The following FCN3 variants were observed in gnomAD, a reference collection of about 807,000 sequenced individuals.
FCN3 encodes the protein ficolin-3.
In FCN3, 28 loss-of-function variants were observed where a neutral mutation model predicts 31.5. That is an observed-to-expected ratio of 0.89 (90% CI 0.66 to 1.22). The LOEUF is 1.22. Ranked by LOEUF, FCN3 falls within the 50% of genes most tolerant of loss-of-function variation. The pLI is 0.00. For synonymous variants in FCN3, 124 were observed against 147.4 expected (o/e 0.84, Z 1.15); for missense variants, 351 against 386.8 (o/e 0.91, Z 0.78).
chr1:27,374,283 G>T, intron 2 of FCN3, 73 bp downstream of exon 2: 1 of 1,138,550 alleles, frequency 8.8e-7, no homozygotes, highest in Non-Finnish European at 1.3e-6. Context: ...TGGCCCCTCA[G>T]CACAGACAAA....
chr1:27,372,437 G>A (rs1487385898), intron 5 of FCN3, among the ~76,000 whole-genome samples: 1 of 152,024 alleles, frequency 6.6e-6, no homozygotes, highest in Non-Finnish European at 1.5e-5. Flanking sequence ...TAGTAAAGAT[G>A]GGGTTTCACC....
At chr1:27,371,720 A>G (rs556473648) in intron 5 of FCN3, among the ~76,000 whole-genome samples, 1 of 152,236 alleles carries the variant, frequency 6.6e-6, no homozygotes, top group East Asian at 1.9e-4. Flanking sequence ...AGAGTTGTCA[A>G]CCTAAGTACT....
chr1:27,369,341 A>T lies in FCN3; in HGVS notation c.795T>A (p.Gly265=). Residue 265 remains glycine (G), a synonymous_variant, in exon 8 of 8, where the codon GGT becomes GGA. Transcript: ENST00000270879. ...CGGCAGCCTCAGACACTGCATAGCG[A>T]CCATTGAGATTTGATCGGTAACAGG... ...YASCYRSNLN[G]RYAVSEAAAH... The T allele has an allele frequency of 1.2e-6, 2 of 1,614,252 alleles. No individual in the cohort carries two copies. The highest frequency in any genetic ancestry group is 1.7e-6 in the Non-Finnish European group (2 of 1,180,034).
At chr1:27,370,287 G>A (rs2016119119) in intron 7 of FCN3, among the ~76,000 whole-genome samples, 1 of 152,014 alleles carries the variant, frequency 6.6e-6, no homozygotes, top group Non-Finnish European at 1.5e-5. Context: ...AGGGTTACAG[G>A]CATGAGCCAC....
rs768658968 is a variant in FCN3 at position 27,374,741 on chromosome 1, G to GTGTT, written c.74_77dup (p.His26GlnfsTer52). The GTGTT allele has an allele frequency of 6.6e-5, 92 of 1,399,334 alleles. No individual in the cohort carries two copies. The African/African-American group carries it at 1.3e-3, about 19-fold the overall frequency. The allele number at this position is 1,399,334 out of a possible 1,614,324, so 86.7% of individuals were successfully genotyped here. Reference sequence around the variant, plus strand: ...CTAGGTGCCCACCTGGGCAGCTGGGGTGTTCCTGGGTCTTCAGGCAGGCAG... The same window carrying GTGTT: ...CTAGGTGCCCACCTGGGCAGCTGGGGTGTTTGTTCCTGGGTCTTCAGGCAGGCAG... On this transcript the variant is annotated frameshift_variant, in exon 1 of 8. Coordinates refer to ENST00000270879, the MANE Select transcript of FCN3 (RefSeq NM_003665.4). LOFTEE classifies it high-confidence loss of function.
In FCN3 at chr1:27,374,740, G is replaced by A; in HGVS notation, c.79C>T (p.Pro27Ser). 7.2e-7 allele frequency: 1 copy of A among 1,397,500 alleles called. No individual in the cohort carries two copies. The highest frequency in any genetic ancestry group is 2.0e-5 in the South Asian group (1 of 51,274). 86.6% of individuals were successfully genotyped at this position (1,397,500 alleles called of 1,614,324 possible). A position where few individuals can be genotyped will look rare whatever the true frequency, so the allele number is the denominator to read the frequency against. Residue 27 changes from proline (P) to serine (S), a missense_variant, in exon 1 of 8, where the codon CCC (proline) becomes TCC (serine). By Grantham distance (74) the Pro-to-Ser change is moderately conservative. Transcript: ENST00000270879. ...CCTAGGTGCCCACCTGGGCAGCTGG[G>A]GTGTTCCTGGGTCTTCAGGCAGGCA... is the stretch of plus-strand genomic sequence containing the variant. ...GPACLKTQEH[P>S]SCPGPRELEA...
intron 2 of FCN3, 112 bp downstream of exon 2, chr1:27,374,244 C>T: frequency 1.2e-6 from 1 of 802,056 alleles, no homozygotes; most frequent in South Asian, 1.7e-5. Flanking sequence ...CTGGAGCTGG[C>T]ACAGAGTAGG....
In FCN3 at chr1:27,369,386, G is replaced by A. The variant is rs28385652; in HGVS notation, c.750C>T (p.His250=). ...AACAGGATGCATACCACCAGGCACC[G>A]TGGACAATCACTGCACAGTTGCTGT... The part of the protein sequence containing the change: ...SSNSNCAVIV[H]GAWWYASCYR... The change falls in exon 8 of 8, where the codon CAC becomes CAT. Residue 250 remains histidine, a synonymous_variant. Coordinates refer to ENST00000270879, the MANE Select transcript of FCN3 (RefSeq NM_003665.4). The A allele has an allele frequency of 3.8e-3, 6,074 of 1,614,204 alleles. 23 individuals carry two copies. The highest frequency in any genetic ancestry group is 9.9e-3 in the Middle Eastern group (60 of 6,062).
Position 27,373,487 on chromosome 1 carries a change from C to T in FCN3, c.265+1G>A. On this transcript the variant is annotated splice_donor_variant, in intron 4 of 7. Coordinates refer to ENST00000270879, the MANE Select transcript of FCN3 (RefSeq NM_003665.4). LOFTEE classifies it high-confidence loss of function. ...CCTGGCTCCTGCAAGGGCTGCCTCA[C>T]CTTCCTGGCACCGGAGCAGGTTCAC... 3 of 1,614,116 alleles carry T rather than the reference C, an allele frequency of 1.9e-6. No homozygotes were observed. Among genetic ancestry groups the T allele is most frequent in the African/African-American group, 1.3e-5 (1 of 75,036 alleles).
At chr1:27,370,007 G>A (rs147806365) in intron 7 of FCN3, among the ~76,000 whole-genome samples, 5 of 129,808 alleles carry the variant, frequency 3.9e-5, no homozygotes, top group Admixed American at 7.5e-5. Context: ...CGCTCCCCCC[G>A]CCTTTTTTTT....
rs976213724 is a variant in FCN3, at chr1:27,370,985, G to A, written c.394-13C>T. ...GCCTCTGAAACACCTGGGGGAGGGGGGGCACAGCAGCTATTACTCCAGGCT... is the reference window on the plus strand; with the variant it reads ...GCCTCTGAAACACCTGGGGGAGGGGAGGCACAGCAGCTATTACTCCAGGCT... On this transcript the variant is annotated splice_polypyrimidine_tract_variant and intron_variant, in intron 5 of 7. Coordinates refer to ENST00000270879, the MANE Select transcript of FCN3 (RefSeq NM_003665.4). 12 of 1,610,536 alleles carry A rather than the reference G, an allele frequency of 7.5e-6. No individual in the cohort carries two copies. Among genetic ancestry groups the A allele is most frequent in the Admixed American group, 3.3e-5 (2 of 59,916 alleles).
intron 4 of FCN3, 94 bp from the exon 5 acceptor site, chr1:27,373,357 C>G: frequency 3.1e-6 from 5 of 1,599,150 alleles, no homozygotes; most frequent in Non-Finnish European, 3.4e-6. Flanking sequence ...TAGGGACCCT[C>G]TTGGCTCCTT....
At chr1:27,374,115 C>A in intron 2 of FCN3, 106 bp from the exon 3 acceptor site, 1 of 1,064,754 alleles carries the variant, frequency 9.4e-7, no homozygotes. Flanking sequence ...TCACCCTTCA[C>A]TCACTTTGTG....
intron 5 of FCN3, among the ~76,000 whole-genome samples, chr1:27,371,258 A>G (rs997243677): frequency 6.6e-6 from 1 of 152,032 alleles, no homozygotes; most frequent in African/African-American, 2.4e-5. Context: ...GCTGGGTGTC[A>G]GTCAAAATAA....
intron 7 of FCN3, 174 bp downstream of exon 7, chr1:27,370,422 T>C: frequency 1.6e-6 from 1 of 634,200 alleles, no homozygotes. Flanking sequence ...TCTGTTTGCC[T>C]CCAGATCCCA....
At chr1:27,372,773 A>ATTTTTTTTTT (rs71010351) in intron 5 of FCN3, among the ~76,000 whole-genome samples, 3 of 96,436 alleles carry the variant, frequency 3.1e-5, no homozygotes, top group Non-Finnish European at 5.9e-5. Context: ...TCCCTACCCT[A>ATTTTTTTTTT]TTTTTTTTTT....
intron 1 of FCN3, 62 bp downstream of exon 1, chr1:27,374,666 G>T (rs962181216): frequency 3.1e-5 from 32 of 1,028,966 alleles, no homozygotes; most frequent in Non-Finnish European, 4.1e-5. Flanking sequence ...GAGCCTTGGT[G>T]GGGGGACACC....
In FCN3 at chr1:27,369,435, T is replaced by C. The variant is rs989156066; in HGVS notation, c.701A>G (p.Tyr234Cys). ...GTTGCTTGAATCGTGGTCAGCGTCATAGGTGGTAAAGGGCCTCCCACTGTG... is the reference window on the plus strand; with the variant it reads ...GTTGCTTGAATCGTGGTCAGCGTCACAGGTGGTAAAGGGCCTCCCACTGTG... Reference protein sequence around the residue: ...SLHSGRPFTTYDADHDSSNSN... With the variant: ...SLHSGRPFTTCDADHDSSNSN... The change falls in exon 8 of 8, where the codon TAT becomes TGT. Residue 234 changes from tyrosine to cysteine, a missense_variant. Coordinates refer to ENST00000270879, the MANE Select transcript of FCN3 (RefSeq NM_003665.4). 6.2e-7 allele frequency: 1 copy of C among 1,614,176 alleles called. No homozygotes were observed.
chr1:27,373,167 C>CA lies in FCN3; in HGVS notation c.361dup (p.Cys121LeufsTer2), dbSNP rs891799181. 1 of 1,613,940 alleles carries CA rather than the reference C, an allele frequency of 6.2e-7. No individual in the cohort carries two copies. Among genetic ancestry groups the CA allele is most frequent in the Non-Finnish European group, 8.5e-7 (1 of 1,179,964 alleles). On this transcript the variant is annotated frameshift_variant, in exon 5 of 8. Coordinates refer to ENST00000270879, the MANE Select transcript of FCN3 (RefSeq NM_003665.4). LOFTEE classifies it high-confidence loss of function. ...GCCGCCCCCCTCGGTGTCCATGTCA[C>CA]AAAAGACTGGGAGGGCCCTGCCCTC...
Sources: gnomAD v4.1 joint callset for allele counts (sites outside exome capture counted in the v4.1 genomes callset) on GRCh38, gnomAD v4.1.1 for gene constraint, MANE v1.5 for transcripts, NCBI Gene and HGNC (gene_info 2026-07-23, HGNC 2026-07-21) for gene names.